The following RANBP2 variants were observed in gnomAD, a reference collection of about 807,000 sequenced individuals.
RANBP2 encodes E3 SUMO-protein ligase RanBP2.
Under a neutral mutation model 303.6 loss-of-function variants are expected in RANBP2, and 57 were observed. The ratio of observed to expected loss-of-function variants is 0.19; its 90% CI spans 0.15 to 0.23. The LOEUF is 0.23. Ranked by LOEUF, RANBP2 falls within the 10% of genes least tolerant of loss-of-function variation. The pLI is 1.00. For missense variants in RANBP2, 3,138 were observed against 3,780.8 expected, an observed-to-expected ratio of 0.83 and a Z score of 4.46; for synonymous variants, 1,167 against 1,301.5, an observed-to-expected ratio of 0.90 and a Z score of 2.23.
chr2:109,419,805 G>A, the RANBP2 span, among the ~76,000 whole-genome samples: 2 of 152,248 alleles, frequency 1.3e-5, no homozygotes, highest in Non-Finnish European at 2.9e-5. Context: ...GAGTGTGGAA[G>A]ACAAAAGTCT....
chr2:109,362,807 C>T, the RANBP2 span, among the ~76,000 whole-genome samples: 2 of 152,176 alleles, frequency 1.3e-5, no homozygotes, highest in African/African-American at 2.4e-5. Context: ...TTGACCCCTT[C>T]GTCATTATGT....
chr2:109,356,249 A>G, the RANBP2 span, among the ~76,000 whole-genome samples: 2 of 152,164 alleles, frequency 1.3e-5, no homozygotes, highest in African/African-American at 4.8e-5. Context: ...CCAACTAAAT[A>G]GGAACATTCT....
At chr2:109,249,542 TCC>T in the RANBP2 span, among the ~76,000 whole-genome samples, 4 of 123,844 alleles carry the variant, frequency 3.2e-5, no homozygotes, top group South Asian at 2.6e-4. Flanking sequence ...TTTCCTTCCT[TCC>T]TTCCTTCCTT....
chr2:109,454,252 A>T, the RANBP2 span, among the ~76,000 whole-genome samples: 3 of 152,190 alleles, frequency 2.0e-5, no homozygotes, highest in African/African-American at 7.2e-5. Context: ...GCTGGTATTT[A>T]TAATTACTTT....
chr2:109,304,218 T>C, the RANBP2 span, among the ~76,000 whole-genome samples: 1 of 152,166 alleles, frequency 6.6e-6, no homozygotes, highest in Non-Finnish European at 1.5e-5. Context: ...CTTGCAGAAC[T>C]AAACTATAGT....
At chr2:109,429,870 A>C in the RANBP2 span, among the ~76,000 whole-genome samples, 1 of 152,164 alleles carries the variant, frequency 6.6e-6, no homozygotes, top group African/African-American at 2.4e-5. Context: ...ACCAAGCTCC[A>C]CGCTGTGCAG....
At chr2:109,716,229 CTTA>C in the RANBP2 span, among the ~76,000 whole-genome samples, 1 of 151,822 alleles carries the variant, frequency 6.6e-6, no homozygotes, top group African/African-American at 2.4e-5. Context: ...ATTTTATTTA[CTTA>C]TTATTTTATT....
chr2:109,513,073 G>A, the RANBP2 span, among the ~76,000 whole-genome samples: 3 of 152,200 alleles, frequency 2.0e-5, no homozygotes, highest in Non-Finnish European at 4.4e-5. Context: ...CGGATGTGCT[G>A]CCCTTCCTGG....
At chr2:108,910,642 G>T in the RANBP2 span, 2 of 1,398,462 alleles carry the variant, frequency 1.4e-6, no homozygotes, top group Non-Finnish European at 2.0e-6. Context: ...GTGTCTGTGT[G>T]GCACCACCCC....
At chr2:109,148,641 C>T in the RANBP2 span, among the ~76,000 whole-genome samples, 7 of 152,162 alleles carry the variant, frequency 4.6e-5, no homozygotes, top group African/African-American at 1.7e-4. Flanking sequence ...AGGCAGAAGC[C>T]ACAGCGTTTA....
At chr2:109,180,784 A>G in the RANBP2 span, among the ~76,000 whole-genome samples, 2 of 152,184 alleles carry the variant, frequency 1.3e-5, no homozygotes, top group Non-Finnish European at 2.9e-5. Flanking sequence ...TAAATTGCCC[A>G]GTCTCTGGTA....
At chr2:109,395,617 A>G in the RANBP2 span, among the ~76,000 whole-genome samples, 1 of 152,186 alleles carries the variant, frequency 6.6e-6, no homozygotes, top group South Asian at 2.1e-4. Flanking sequence ...TGAGGGATGC[A>G]TGCTGTCTCC....
the RANBP2 span, among the ~76,000 whole-genome samples, chr2:109,354,478 C>T: frequency 6.6e-6 from 1 of 152,360 alleles, no homozygotes; most frequent in Non-Finnish European, 1.5e-5. Context: ...TGGCATTTTA[C>T]ATGTGATTCT....
the RANBP2 span, among the ~76,000 whole-genome samples, chr2:109,459,281 C>A: frequency 2.6e-4 from 40 of 152,258 alleles, no homozygotes; most frequent in South Asian, 1.7e-3. Flanking sequence ...GAAATACTTA[C>A]AACAGTTACA....
rs535525538 is a variant in RANBP2 at position 108,746,152 on chromosome 2, C to T, written c.976-559C>T. 1.5e-3 allele frequency among the ~76,000 whole-genome samples: 227 copies of T among 152,076 alleles called. 1 individual carries two copies. The highest frequency in any genetic ancestry group is 3.9e-3 in the Admixed American group (59 of 15,276). ...TTGAACTCTGGGCTCAAGCGATCCCCCCACCTTGGCCTTCCAAAGTGCTGG... is the reference window on the plus strand; with the variant it reads ...TTGAACTCTGGGCTCAAGCGATCCCTCCACCTTGGCCTTCCAAAGTGCTGG... On this transcript the variant is annotated intron_variant, in intron 7 of 28. Coordinates refer to ENST00000283195, the MANE Select transcript of RANBP2 (RefSeq NM_006267.5).
the RANBP2 span, among the ~76,000 whole-genome samples, chr2:109,366,189 T>C: frequency 6.6e-6 from 1 of 152,228 alleles, no homozygotes; most frequent in Non-Finnish European, 1.5e-5. Context: ...ATATTTAAAC[T>C]TTCTTAAGCA....
At chr2:108,955,490 G>A in the RANBP2 span, among the ~76,000 whole-genome samples, 1 of 152,200 alleles carries the variant, frequency 6.6e-6, no homozygotes, top group Non-Finnish European at 1.5e-5. Flanking sequence ...GCTCACACCT[G>A]TAATCCTAGC....
intron 19 of RANBP2, 113 bp from the exon 20 acceptor site, chr2:108,763,124 T>A (rs1676854429): frequency 3.3e-6 from 4 of 1,206,844 alleles, no homozygotes; most frequent in South Asian, 2.6e-5. Flanking sequence ...CATCCCCTAA[T>A]GAGATCTTCT....
At chr2:109,452,349 C>T in the RANBP2 span, among the ~76,000 whole-genome samples, 3 of 152,282 alleles carry the variant, frequency 2.0e-5, 1 homozygote, top group South Asian at 6.2e-4. Context: ...TAGATGTACA[C>T]ATGTCTAATT....
Sources: allele counts gnomAD v4.1 joint callset (sites outside exome capture counted in the v4.1 genomes callset), GRCh38; gene constraint gnomAD v4.1.1; transcripts MANE v1.5; gene names NCBI Gene and HGNC (gene_info 2026-07-23, HGNC 2026-07-21).